The following PRKN variants were observed in gnomAD, a reference collection of about 807,000 sequenced individuals.
The protein encoded by PRKN is E3 ubiquitin-protein ligase parkin.
In PRKN, 56 loss-of-function variants were observed where a neutral mutation model predicts 59.5. The ratio of observed to expected loss-of-function variants is 0.94; its 90% CI spans 0.76 to 1.18. The LOEUF is 1.18. Among genes scored for constraint, PRKN ranks in the 50% most tolerant of loss-of-function variants. The pLI is 0.00. For missense variants in PRKN, 657 were observed against 596.4 expected (o/e 1.10, Z -1.06); for synonymous variants, 250 against 222.1 (o/e 1.13, Z -1.12).
chr6:162,273,482 A>C (rs1780482446), intron 2 of PRKN, among the ~76,000 whole-genome samples: 2 of 152,176 alleles, frequency 1.3e-5, no homozygotes, highest in South Asian at 4.1e-4. Context: ...CCTTTAGTAC[A>C]AAAAAAGGAA....
rs57908717 is a variant in PRKN at position 161,550,738 on chromosome 6, C to CGTGTGTGTGTGT, written c.934-1747_934-1736dup. 0.032 allele frequency among the ~76,000 whole-genome samples: 4,747 copies of CGTGTGTGTGTGT among 146,224 alleles called. 69 individuals are homozygous for CGTGTGTGTGTGT. Among genetic ancestry groups the CGTGTGTGTGTGT allele is most frequent in the Middle Eastern group, 0.045 (13 of 286 alleles). ...AAGAAAGGGTATGTGTGTGTGTGCA[C>CGTGTGTGTGTGT]GTGTGTGTGTGTGTGTGTGTGTGTA... is the stretch of plus-strand genomic sequence containing the variant. On this transcript the variant is annotated intron_variant, in intron 8 of 11. Transcript: ENST00000366898. This position sits in a 1 kb window ranked among gnomAD's most constrained non-coding sequence, Gnocchi z 4.0.
At chr6:161,869,531 T>C (rs1794259204) in intron 6 of PRKN, among the ~76,000 whole-genome samples, 1 of 152,192 alleles carries the variant, frequency 6.6e-6, no homozygotes, top group African/African-American at 2.4e-5. Flanking sequence ...TTTAGTATAA[T>C]GGTTTCTATT....
rs370152408 is a variant in PRKN at position 161,666,357 on chromosome 6, G to C, written c.872-96941C>G. ...ATCGTGAACTACACATGCATGGGAT[G>C]TAAGTTGTGTGCTCCTTATGAGGAT... On this transcript the variant is annotated intron_variant, in intron 7 of 11. Transcript: ENST00000366898. 1.3e-3 allele frequency among the ~76,000 whole-genome samples: 204 copies of C among 152,324 alleles called. 1 individual carries two copies. The highest frequency in any genetic ancestry group is 4.8e-3 in the African/African-American group (201 of 41,566).
At chr6:162,198,479 T>C (rs1784586807) in intron 4 of PRKN, among the ~76,000 whole-genome samples, 2 of 151,850 alleles carry the variant, frequency 1.3e-5, no homozygotes, top group Non-Finnish European at 2.9e-5. Context: ...TATACATACA[T>C]ACATAAAATA....
At chr6:161,589,727 G>T (rs1562544788) in intron 7 of PRKN, among the ~76,000 whole-genome samples, 1 of 148,694 alleles carries the variant, frequency 6.7e-6, no homozygotes. Context: ...CTGTGCACAT[G>T]TTTTTTGTTG....
intron 6 of PRKN, among the ~76,000 whole-genome samples, chr6:161,905,358 C>A (rs867076141): frequency 6.6e-6 from 1 of 152,178 alleles, no homozygotes; most frequent in Non-Finnish European, 1.5e-5. Context: ...TCAGATCAAA[C>A]GAATAATTAT....
At chr6:162,050,937 T>C (rs928864960) in intron 5 of PRKN, among the ~76,000 whole-genome samples, 29 of 152,046 alleles carry the variant, frequency 1.9e-4, no homozygotes, top group Admixed American at 9.2e-4. Context: ...TATAAACACA[T>C]GGTGTTCGGA....
chr6:161,847,117 G>T (rs1793231992), intron 6 of PRKN, among the ~76,000 whole-genome samples: 1 of 152,126 alleles, frequency 6.6e-6, no homozygotes, highest in African/African-American at 2.4e-5. Flanking sequence ...AGATCATCCT[G>T]GCCAACATGG....
chr6:162,259,674 A>C (rs1221426526), intron 3 of PRKN, among the ~76,000 whole-genome samples: 4 of 152,258 alleles, frequency 2.6e-5, no homozygotes, highest in Non-Finnish European at 5.9e-5. Context: ...ATGAAATCTC[A>C]ATTTCTCTGT....
At chr6:162,615,776 G>C (rs1323882756) in intron 1 of PRKN, among the ~76,000 whole-genome samples, 1 of 152,194 alleles carries the variant, frequency 6.6e-6, no homozygotes, top group Non-Finnish European at 1.5e-5. Flanking sequence ...ATAGAAGAGA[G>C]GGACGAAGAA....
chr6:162,549,130 G>A (rs1779234979), intron 1 of PRKN, among the ~76,000 whole-genome samples: 1 of 152,050 alleles, frequency 6.6e-6, no homozygotes, highest in Non-Finnish European at 1.5e-5. Flanking sequence ...TGGGATTAGA[G>A]ATCCCAGAAG....
intron 10 of PRKN, among the ~76,000 whole-genome samples, chr6:161,370,396 C>T (rs993974274): frequency 7.5e-5 from 11 of 146,306 alleles, no homozygotes; most frequent in South Asian, 4.4e-4. Context: ...CTGGCTAACA[C>T]GATGAAACCC....
Position 161,442,636 on chromosome 6 carries a change from A to G in PRKN, c.1084-55759T>C, listed in dbSNP as rs948731077. Among the ~76,000 whole-genome samples the G allele has an allele frequency of 1.3e-5, 2 of 152,130 alleles. No homozygotes were observed. The highest frequency in any genetic ancestry group is 4.8e-5 in the African/African-American group (2 of 41,426). On this transcript the variant is annotated intron_variant, in intron 9 of 11. Transcript: ENST00000366898. The surrounding 1 kb of genome is among the most constrained non-coding windows in gnomAD (Gnocchi z 4.6). ...CCAAGGGTGGCCTTCGCTGTCTTGG[A>G]CTGGACGGGCTGGACTCCCAGCTGA... is the stretch of plus-strand genomic sequence containing the variant.
Position 161,452,355 on chromosome 6 carries a change from G to A in PRKN, c.1084-65478C>T, listed in dbSNP as rs183987437. On this transcript the variant is annotated intron_variant, in intron 9 of 11. Transcript: ENST00000366898. ...TAAATCAAAGCAATAGATATAGTGC[G>A]CCTTAAGTTCTCTGAAAGGCTTTGA... Among the ~76,000 whole-genome samples the A allele has an allele frequency of 1.1e-4, 16 of 152,218 alleles. No individual in the cohort carries two copies. The East Asian group carries it at 2.5e-3, about 24-fold the overall frequency.
At chr6:161,490,910 C>T (rs1439197990) in intron 9 of PRKN, among the ~76,000 whole-genome samples, 1 of 152,078 alleles carries the variant, frequency 6.6e-6, no homozygotes, top group Non-Finnish European at 1.5e-5. Flanking sequence ...CTCTCTCTTC[C>T]CCCTGCTCCC....
At chr6:162,669,791 A>G (rs1199661655) in intron 1 of PRKN, among the ~76,000 whole-genome samples, 1 of 152,206 alleles carries the variant, frequency 6.6e-6, no homozygotes, top group Non-Finnish European at 1.5e-5. Flanking sequence ...AAGGACTGGA[A>G]TTCCATAATC....
intron 5 of PRKN, among the ~76,000 whole-genome samples, chr6:161,990,776 A>T (rs975672360): frequency 3.3e-5 from 5 of 152,158 alleles, no homozygotes; most frequent in Non-Finnish European, 7.4e-5. Flanking sequence ...AAGCAAACAA[A>T]TGGAATTTGG....
intron 2 of PRKN, among the ~76,000 whole-genome samples, chr6:162,387,515 T>C (rs1786897801): frequency 1.3e-5 from 2 of 150,114 alleles, no homozygotes; most frequent in Admixed American, 1.3e-4. Flanking sequence ...TGTTTATTCT[T>C]ATAAACCCTC....
At chr6:161,823,073 G>A (rs1302755806) in intron 6 of PRKN, among the ~76,000 whole-genome samples, 1 of 151,734 alleles carries the variant, frequency 6.6e-6, no homozygotes, top group South Asian at 2.1e-4. Context: ...TAGCTGGGAC[G>A]AGAAGCACAT....
Sources: allele counts gnomAD v4.1 joint callset (sites outside exome capture counted in the v4.1 genomes callset), GRCh38; gene constraint gnomAD v4.1.1; non-coding constraint Gnocchi (gnomAD v3.1); transcripts MANE v1.5; gene names NCBI Gene and HGNC (gene_info 2026-07-23, HGNC 2026-07-21).